The following NSG1 variants were observed in gnomAD, a reference collection of about 807,000 sequenced individuals.
NSG1 encodes the protein neuronal vesicle trafficking associated 1, also known as neuronal vesicle trafficking-associated protein 1.
Under a neutral mutation model 19.3 loss-of-function variants are expected in NSG1, and 9 were observed. The observed-to-expected ratio is 0.47, with a 90% CI of 0.28 to 0.81. NSG1 has a LOEUF of 0.81. Among genes scored for constraint, NSG1 ranks in the 40% least tolerant of loss-of-function variants. The pLI is 0.11. For synonymous variants in NSG1, 104 were observed against 107.0 expected (o/e 0.97, Z 0.17); for missense variants, 236 against 242.4 (o/e 0.97, Z 0.18).
intron 4 of NSG1, among the ~76,000 whole-genome samples, chr4:4,414,036 C>T (rs935032074): frequency 6.6e-6 from 1 of 152,082 alleles, no homozygotes; most frequent in Non-Finnish European, 1.5e-5. Flanking sequence ...GGCCGGAAGT[C>T]CCCACCGAAA....
intron 3 of NSG1, among the ~76,000 whole-genome samples, chr4:4,400,650 G>A (rs779629379): frequency 1.4e-4 from 21 of 152,084 alleles, no homozygotes; most frequent in Non-Finnish European, 2.6e-4. Flanking sequence ...AGTTTTCAGT[G>A]TACAAATTCC....
At position 4,417,327 on chromosome 4, in the gene NSG1, C is replaced by T. The variant is rs753025269; in HGVS notation, c.450C>T (p.Tyr150=). ...AATTTTACACAGTCATAAACCACTA[C>T]AACCTGGCCAAGCAGAGCATCACGC... ...REKFYTVINH[Y]NLAKQSITRS... The change falls in exon 5 of 5, where the codon TAC becomes TAT. Residue 150 remains tyrosine, a synonymous_variant. Transcript: ENST00000621129. 37 of 1,614,048 alleles carry T rather than the reference C, an allele frequency of 2.3e-5. No individual in the cohort carries two copies. The highest frequency in any genetic ancestry group is 3.1e-5 in the Non-Finnish European group (37 of 1,180,028).
At chr4:4,387,839 C>T (rs1722813691) in intron 2 of NSG1, 81 bp downstream of exon 2, 2 of 1,195,564 alleles carry the variant, frequency 1.7e-6, no homozygotes, top group East Asian at 2.4e-5. Flanking sequence ...AGAAACGCGC[C>T]GCGTGCGCTG....
At chr4:4,409,736 C>A in intron 4 of NSG1, 53 bp downstream of exon 4, 2 of 1,410,372 alleles carry the variant, frequency 1.4e-6, no homozygotes, top group Non-Finnish European at 2.0e-6. Flanking sequence ...ACCCCATGTT[C>A]TCTCCCTTGA....
At chr4:4,388,197 C>T (rs1176568257) in intron 2 of NSG1, among the ~76,000 whole-genome samples, 2 of 151,342 alleles carry the variant, frequency 1.3e-5, no homozygotes, top group East Asian at 2.0e-4. Context: ...GGAGCGTTCT[C>T]CTTGGTCAGA....
At chr4:4,406,091 G>A (rs550491252) in intron 3 of NSG1, among the ~76,000 whole-genome samples, 58 of 152,228 alleles carry the variant, frequency 3.8e-4, no homozygotes, top group African/African-American at 1.3e-3. Flanking sequence ...GCAGTGGCGC[G>A]ATCTTGGCTC....
intron 3 of NSG1, among the ~76,000 whole-genome samples, chr4:4,402,820 TC>T (rs926528308): frequency 1.3e-5 from 2 of 152,196 alleles, no homozygotes; most frequent in African/African-American, 4.8e-5. Context: ...AATGCGCTTC[TC>T]CCAACCTAGA....
chr4:4,403,331 C>T (rs75179485), intron 3 of NSG1, among the ~76,000 whole-genome samples: 55 of 152,308 alleles, frequency 3.6e-4, no homozygotes, highest in Non-Finnish European at 6.8e-4. Flanking sequence ...AGGGGTGTGC[C>T]GGGCCCTGCT....
chr4:4,409,770 C>A, intron 4 of NSG1, 87 bp downstream of exon 4: 1 of 1,086,916 alleles, frequency 9.2e-7, no homozygotes, highest in East Asian at 2.4e-5. Context: ...CCTGCCGTCT[C>A]CCCCAGCTGG....
At position 4,417,838 on chromosome 4, in the gene NSG1, T is replaced by C. The variant is rs1724664864; in HGVS notation, c.*403T>C. 1 of 289,156 alleles carries C rather than the reference T, an allele frequency of 3.5e-6. No homozygotes were observed. Among genetic ancestry groups the C allele is most frequent in the African/African-American group, 2.3e-5 (1 of 44,392 alleles). 17.9% of individuals were successfully genotyped at this position (289,156 alleles called of 1,614,324 possible). On this transcript the variant is annotated 3_prime_UTR_variant, in exon 5 of 5. Coordinates refer to ENST00000621129, the MANE Select transcript of NSG1 (RefSeq NM_014392.5). ...CCATAGCCATATCTAGAGTGATCTCTCGCTGTGCTAAGAGCAAGCCTACTT... is the reference window on the plus strand; with the variant it reads ...CCATAGCCATATCTAGAGTGATCTCCCGCTGTGCTAAGAGCAAGCCTACTT...
chr4:4,403,742 G>A (rs992173136), intron 3 of NSG1, among the ~76,000 whole-genome samples: 2 of 152,218 alleles, frequency 1.3e-5, no homozygotes, highest in Non-Finnish European at 2.9e-5. Flanking sequence ...TTCCCCATTT[G>A]TAAAACACAG....
At chr4:4,407,908 G>T (rs1723952680) in intron 3 of NSG1, among the ~76,000 whole-genome samples, 1 of 152,130 alleles carries the variant, frequency 6.6e-6, no homozygotes, top group Admixed American at 6.5e-5. Flanking sequence ...GCGGCTTGCA[G>T]GGGGTGCATA....
Position 4,391,610 on chromosome 4 carries a change from G to T in NSG1, c.246+19G>T. On this transcript the variant is annotated intron_variant, in intron 3 of 4. Coordinates refer to ENST00000621129, the MANE Select transcript of NSG1 (RefSeq NM_014392.5). ...GTTTAAGGTGAGTGGTCCTGTGCTG[G>T]GTGAGATGCTGCTTTTGCCCCCAGA... is the stretch of plus-strand genomic sequence containing the variant. The T allele has an allele frequency of 2.6e-6, 4 of 1,517,304 alleles. No homozygotes were observed. Among genetic ancestry groups the T allele is most frequent in the Non-Finnish European group, 3.6e-6 (4 of 1,107,144 alleles). 94.0% of individuals were successfully genotyped at this position (1,517,304 alleles called of 1,614,324 possible).
chr4:4,397,894 C>A lies in NSG1; in HGVS notation c.246+6303C>A, dbSNP rs1356887828. Among the ~76,000 whole-genome samples, 6 of 152,310 alleles carry A rather than the reference C, an allele frequency of 3.9e-5. No homozygotes were observed. The South Asian group carries it at 8.3e-4, about 21-fold the overall frequency. On this transcript the variant is annotated intron_variant, in intron 3 of 4. Transcript: ENST00000621129. The stretch of plus-strand genomic sequence containing the variant: ...TCATGGCCTCTTGTCAGCACACCCA[C>A]AATAGTTTGCGACACCAGCCTCCCG...
intron 3 of NSG1, among the ~76,000 whole-genome samples, chr4:4,395,165 C>T (rs1169349748): frequency 6.6e-6 from 1 of 152,230 alleles, no homozygotes; most frequent in Non-Finnish European, 1.5e-5. Context: ...GCTCCCTGCC[C>T]ACTTGCTGTG....
At chr4:4,387,561 C>CCGGGCGGG in intron 1 of NSG1, 43 bp from the exon 2 acceptor site, 1 of 1,141,992 alleles carries the variant, frequency 8.8e-7, no homozygotes, top group Non-Finnish European at 1.2e-6. Context: ...CGCCCCGCCC[C>CCGGGCGGG]GGGTCTTGCT....
At chr4:4,388,097 T>C (rs1237069854) in intron 2 of NSG1, among the ~76,000 whole-genome samples, 1 of 152,224 alleles carries the variant, frequency 6.6e-6, no homozygotes, top group Non-Finnish European at 1.5e-5. Context: ...CCAGGGGCTC[T>C]GGATCGGGGG....
chr4:4,406,942 C>A (rs528093561), intron 3 of NSG1, among the ~76,000 whole-genome samples: 5 of 152,232 alleles, frequency 3.3e-5, no homozygotes, highest in Non-Finnish European at 1.5e-5. Context: ...CTTCTTTCTC[C>A]GGCCAGCTCT....
chr4:4,407,276 C>A (rs1723917615), intron 3 of NSG1, among the ~76,000 whole-genome samples: 1 of 152,098 alleles, frequency 6.6e-6, no homozygotes, highest in South Asian at 2.1e-4. Flanking sequence ...GGAGGATGGG[C>A]CTGCTCAGAG....
Sources: gnomAD v4.1 joint callset for allele counts (sites outside exome capture counted in the v4.1 genomes callset) on GRCh38, gnomAD v4.1.1 for gene constraint, MANE v1.5 for transcripts, NCBI Gene and HGNC (gene_info 2026-07-23, HGNC 2026-07-21) for gene names.